Variants in ACSM4 observed in about 807,000 individuals in gnomAD.
The protein encoded by ACSM4 is acyl-coenzyme A synthetase ACSM4, mitochondrial.
Under a neutral mutation model 73.0 loss-of-function variants are expected in ACSM4, and 66 were observed. The observed-to-expected ratio is 0.90, with a 90% CI of 0.74 to 1.11. The LOEUF (loss-of-function observed/expected upper bound fraction) is 1.11. Among genes scored for constraint, ACSM4 ranks in the 50% least tolerant of loss-of-function variants. The pLI, the probability that ACSM4 is intolerant of heterozygous loss-of-function variation, is 0.00. For synonymous variants in ACSM4, 222 were observed against 254.0 expected (o/e 0.87, Z 1.20); for missense variants, 645 against 714.4 (o/e 0.90, Z 1.11).
intron 3 of ACSM4, 115 bp downstream of exon 3, chr12:7,310,861 T>C: frequency 4.4e-6 from 5 of 1,133,218 alleles, no homozygotes; most frequent in Non-Finnish European, 5.0e-6. Context: ...TCTGGGCTCT[T>C]ACTCAGAAAA....
chr12:7,308,874 T>A (rs1946374844), intron 2 of ACSM4, among the ~76,000 whole-genome samples: 1 of 152,194 alleles, frequency 6.6e-6, no homozygotes, highest in African/African-American at 2.4e-5. Context: ...TAGTTTGGCT[T>A]ATAGCACAGG....
chr12:7,310,711 C>T lies in ACSM4; in HGVS notation c.585C>T (p.Ser195=), dbSNP rs377050195. The change falls in exon 3 of 13, where the codon AGC becomes AGT. Residue 195 remains serine, a synonymous_variant. Coordinates refer to ENST00000399422, the MANE Select transcript of ACSM4 (RefSeq NM_001080454.2). The stretch of plus-strand genomic sequence containing the variant: ...CAAAACTCCTGGTGTCTCCACAAAG[C>T]TGGAATGGGTGGCTCAGCTTCCAGG... ...LKTKLLVSPQ[S]WNGWLSFQEL... 4.8e-4 allele frequency: 769 copies of T among 1,613,512 alleles called. No individual in the cohort carries two copies. Among genetic ancestry groups the T allele is most frequent in the Non-Finnish European group, 6.1e-4 (718 of 1,179,720 alleles).
intron 11 of ACSM4, among the ~76,000 whole-genome samples, chr12:7,325,292 T>A (rs1342816334): frequency 6.6e-6 from 1 of 152,200 alleles, no homozygotes; most frequent in Non-Finnish European, 1.5e-5. Context: ...AGCCACAGAT[T>A]TCACTGAATG....
rs1416010729 is a variant in ACSM4, at chr12:7,327,114, A to G, written c.1656+19A>G. 6.3e-7 allele frequency: 1 copy of G among 1,581,910 alleles called. No individual in the cohort carries two copies. The highest frequency in any genetic ancestry group is 1.8e-5 in the Admixed American group (1 of 54,254). ...AAGAAAGGCAAGTGCTTTGCCCAAA[A>G]GTTAAGTTTGGATGTTACCAAACTA... On this transcript the variant is annotated intron_variant, in intron 12 of 12. Transcript: ENST00000399422.
Position 7,324,255 on chromosome 12 carries a change from G to A in ACSM4, c.1309-18G>A, listed in dbSNP as rs370570488. 36 of 1,610,058 alleles carry A rather than the reference G, an allele frequency of 2.2e-5. No individual in the cohort carries two copies. The African/African-American group carries it at 4.3e-4, about 19-fold the overall frequency. ...GTTCTGACCAGACTAATCCCCAAAT[G>A]TCATCCTTGGTTCCCAGGACAATCC... On this transcript the variant is annotated intron_variant, in intron 9 of 12. Coordinates refer to ENST00000399422, the MANE Select transcript of ACSM4 (RefSeq NM_001080454.2).
At chr12:7,314,423 G>T (rs369755604) in intron 3 of ACSM4, among the ~76,000 whole-genome samples, 4 of 152,154 alleles carry the variant, frequency 2.6e-5, no homozygotes, top group Non-Finnish European at 5.9e-5. Context: ...GGTATTCAAG[G>T]AAAGGAAGTC....
chr12:7,307,810 A>G (rs1236311465), intron 2 of ACSM4, among the ~76,000 whole-genome samples: 1 of 152,218 alleles, frequency 6.6e-6, no homozygotes, highest in Middle Eastern at 3.2e-3. Flanking sequence ...AGATGGAGAT[A>G]CTATGGCCTG....
intron 3 of ACSM4, among the ~76,000 whole-genome samples, chr12:7,311,447 T>C (rs913717184): frequency 2.0e-5 from 3 of 152,170 alleles, no homozygotes; most frequent in African/African-American, 7.2e-5. Flanking sequence ...AGTGGCTCCT[T>C]CTTGTCATAT....
chr12:7,305,547 G>C (rs1946357162), intron 1 of ACSM4, among the ~76,000 whole-genome samples: 1 of 152,134 alleles, frequency 6.6e-6, no homozygotes, highest in Non-Finnish European at 1.5e-5. Context: ...TGCAGATGAG[G>C]AACTTGACCT....
rs894637069 is a variant in ACSM4 at position 7,314,978 on chromosome 12, A to G, written c.621-2159A>G. Among the ~76,000 whole-genome samples, 10 of 151,964 alleles carry G rather than the reference A, an allele frequency of 6.6e-5. No homozygotes were observed. The South Asian group carries it at 1.0e-3, about 16-fold the overall frequency. On this transcript the variant is annotated intron_variant, in intron 3 of 12. Coordinates refer to ENST00000399422, the MANE Select transcript of ACSM4 (RefSeq NM_001080454.2). ...TGGGATCCCAAGGCAGGCAGATCAC[A>G]TAAGATCAGGAGTTCAAGACCAGTC...
Position 7,323,532 on chromosome 12 carries a change from G to T in ACSM4, c.1280G>T (p.Arg427Leu), listed in dbSNP as rs370829685. 1.2e-6 allele frequency: 2 copies of T among 1,613,468 alleles called. No homozygotes were observed. ...ATTGCCCTCAGACTCAAACCTACAC[G>T]GCCCTTCTGTTTCTTCTCTAAATAT... ...GEIALRLKPT[R>L]PFCFFSKYVD... Residue 427 changes from arginine to leucine, a missense_variant, in exon 9 of 13, where the codon CGG (arginine) becomes CTG (leucine). Physicochemically the swap from Arg to Leu is moderately radical, Grantham distance 102 (BLOSUM62 -2). Transcript: ENST00000399422.
At chr12:7,318,933 A>G (rs770039513) in intron 5 of ACSM4, among the ~76,000 whole-genome samples, 153 of 152,344 alleles carry the variant, frequency 1.0e-3, no homozygotes, top group African/African-American at 2.9e-3. Flanking sequence ...CAGGGACTGG[A>G]TTCGTGGAAG....
Position 7,322,501 on chromosome 12 carries a change from C to A in ACSM4, c.1085C>A (p.Thr362Asn), listed in dbSNP as rs1591845936. The A allele has an allele frequency of 6.2e-7, 1 of 1,613,858 alleles. No homozygotes were observed. The highest frequency in any genetic ancestry group is 8.5e-7 in the Non-Finnish European group (1 of 1,179,842). ...GTGCTGGAGCAGTGGAGGGTGCAAACTGGGCTGGAGCTATATGAGGGCTAT... is the reference window on the plus strand; with the variant it reads ...GTGCTGGAGCAGTGGAGGGTGCAAAATGGGCTGGAGCTATATGAGGGCTAT... ...PEVLEQWRVQ[T>N]GLELYEGYGQ... The change falls in exon 7 of 13, where the codon ACT becomes AAT. Residue 362 changes from threonine (T) to asparagine (N), a missense_variant. Physicochemically the swap from Thr to Asn is moderately conservative, Grantham distance 65 (BLOSUM62 0). Coordinates refer to ENST00000399422, the MANE Select transcript of ACSM4 (RefSeq NM_001080454.2).
intron 11 of ACSM4, among the ~76,000 whole-genome samples, chr12:7,325,413 G>A (rs1338369470): frequency 6.6e-6 from 1 of 152,214 alleles, no homozygotes; most frequent in Admixed American, 6.5e-5. Context: ...TTGGGAGGCC[G>A]AGGTGGGTGG....
At position 7,322,523 on chromosome 12, in the gene ACSM4, C is replaced by A. The variant is rs763598717; in HGVS notation, c.1107C>A (p.Gly369=). ...RVQTGLELYE[G]YGQTEVGMIC... ...AAACTGGGCTGGAGCTATATGAGGG[C>A]TATGGACAGACGGAAGTGGTATATC... is the stretch of plus-strand genomic sequence containing the variant. The change falls in exon 7 of 13, where the codon GGC becomes GGA. Residue 369 remains glycine, a synonymous_variant. Transcript: ENST00000399422. The A allele has an allele frequency of 6.2e-7, 1 of 1,613,680 alleles. No individual in the cohort carries two copies. Among genetic ancestry groups the A allele is most frequent in the Non-Finnish European group, 8.5e-7 (1 of 1,179,766 alleles).
chr12:7,327,989 G>T (rs912825200), intron 12 of ACSM4, among the ~76,000 whole-genome samples: 1 of 152,116 alleles, frequency 6.6e-6, no homozygotes, highest in African/African-American at 2.4e-5. Context: ...CATTTCTCGG[G>T]AACAGTAGAA....
In ACSM4 at chr12:7,310,554, C is replaced by T. The variant is rs770864463; in HGVS notation, c.428C>T (p.Pro143Leu). The change falls in exon 3 of 13, where the codon CCG becomes CTG. Residue 143 changes from proline (P) to leucine (L), a missense_variant. Physicochemically the swap from Pro to Leu is moderately conservative, Grantham distance 98. Transcript: ENST00000399422. ...TCCTTCCCAGGGATCATCTTCATGC[C>T]GGGAACAATCCAGCTGACAGCAAAA... ...ACIRTGIIFM[P>L]GTIQLTAKDI... The T allele has an allele frequency of 2.4e-5, 39 of 1,606,924 alleles. No homozygotes were observed. Among genetic ancestry groups the T allele is most frequent in the Non-Finnish European group, 2.9e-5 (34 of 1,177,662 alleles).
intron 2 of ACSM4, 71 bp from the exon 3 acceptor site, chr12:7,310,468 G>A (rs1040254351): frequency 2.1e-5 from 30 of 1,437,262 alleles, no homozygotes; most frequent in African/African-American, 1.8e-4. Context: ...TCTCCTCACC[G>A]AGGCACAAAG....
At chr12:7,328,214 A>C in intron 12 of ACSM4, 73 bp from the exon 13 acceptor site, 2 of 1,182,978 alleles carry the variant, frequency 1.7e-6, no homozygotes, top group Non-Finnish European at 2.4e-6. Context: ...GTTCCATGCA[A>C]GCTCCTTCCT....
Sources: allele counts gnomAD v4.1 joint callset (sites outside exome capture counted in the v4.1 genomes callset), GRCh38; gene constraint gnomAD v4.1.1; transcripts MANE v1.5; gene names NCBI Gene and HGNC (gene_info 2026-07-23, HGNC 2026-07-21).